ADAMTS12: variants seen among roughly 807,000 people sequenced by gnomAD.
ADAMTS12 encodes A disintegrin and metalloproteinase with thrombospondin motifs 12.
ADAMTS12 carries 118 observed loss-of-function variants against 167.8 expected under a neutral mutation model. That is an observed-to-expected ratio of 0.70 (90% CI 0.61 to 0.82). The LOEUF (loss-of-function observed/expected upper bound fraction) is 0.82. ADAMTS12 is among the 40% of genes least tolerant of loss of function. The pLI, the probability that ADAMTS12 is intolerant of heterozygous loss-of-function variation, is 0.00. For missense variants in ADAMTS12, 1,916 were observed against 1,998.8 expected (o/e 0.96, Z 0.79); for synonymous variants, 704 against 716.9 (o/e 0.98, Z 0.29).
At chr5:33,538,009 G>A (rs1446675087) in intron 22 of ADAMTS12, among the ~76,000 whole-genome samples, 1 of 152,142 alleles carries the variant, frequency 6.6e-6, no homozygotes, top group East Asian at 1.9e-4. Context: ...CGTGGCCCTA[G>A]GATCTGTCCC....
intron 2 of ADAMTS12, among the ~76,000 whole-genome samples, chr5:33,799,142 G>A (rs1169676461): frequency 6.6e-6 from 1 of 152,168 alleles, no homozygotes; most frequent in Non-Finnish European, 1.5e-5. Context: ...AGATGAGAAC[G>A]ACCAGTGTGG....
intron 2 of ADAMTS12, among the ~76,000 whole-genome samples, chr5:33,760,173 C>T (rs1262801557): frequency 6.6e-6 from 1 of 152,044 alleles, no homozygotes; most frequent in Non-Finnish European, 1.5e-5. Flanking sequence ...TCACCTCCCA[C>T]CCCCAACCCC....
rs2111965142 is a variant in ADAMTS12 at position 33,576,707 on chromosome 5, A to C, written c.3319T>G (p.Ser1107Ala). ...LSIQPSEENVSSSDTGPTSEG... is the reference protein window; with the variant it reads ...LSIQPSEENVASSDTGPTSEG... ...GAGGTAGGACCAGTATCTGAACTGG[A>C]AACATTTTCCTCACTTGGCTGAATG... is the stretch of plus-strand genomic sequence containing the variant. Residue 1107 changes from serine (S) to alanine (A), a missense_variant, in exon 19 of 24, where the codon TCC (serine) becomes GCC (alanine). Coordinates refer to ENST00000504830, the MANE Select transcript of ADAMTS12 (RefSeq NM_030955.4). The C allele has an allele frequency of 6.2e-7, 1 of 1,614,226 alleles. No individual in the cohort carries two copies. Among genetic ancestry groups the C allele is most frequent in the East Asian group, 2.2e-5 (1 of 44,882 alleles).
At chr5:33,845,197 G>T (rs1204873969) in intron 2 of ADAMTS12, among the ~76,000 whole-genome samples, 3 of 152,172 alleles carry the variant, frequency 2.0e-5, no homozygotes, top group African/African-American at 7.2e-5. Flanking sequence ...AGAGGGTCTG[G>T]AACAGCAGCA....
At chr5:33,877,954 A>G (rs1240459909) in intron 2 of ADAMTS12, among the ~76,000 whole-genome samples, 3 of 152,154 alleles carry the variant, frequency 2.0e-5, no homozygotes, top group African/African-American at 7.2e-5. Context: ...CCTGGTCCAC[A>G]TGAATGTGTT....
chr5:33,618,917 G>A lies in ADAMTS12; in HGVS notation c.2144-2845C>T, dbSNP rs75236871. 6.8e-3 allele frequency among the ~76,000 whole-genome samples: 1,040 copies of A among 152,244 alleles called. 7 individuals are homozygous for A. The highest frequency in any genetic ancestry group is 0.024 in the African/African-American group (1,006 of 41,542). ...TGTAATCCTTCCAGACTTTCATGAC[G>A]TTTCTGTCAGCGTTCTCTTCCATAA... is the stretch of plus-strand genomic sequence containing the variant. On this transcript the variant is annotated intron_variant, in intron 14 of 23. Coordinates refer to ENST00000504830, the MANE Select transcript of ADAMTS12 (RefSeq NM_030955.4).
At chr5:33,838,147 G>C (rs527447996) in intron 2 of ADAMTS12, among the ~76,000 whole-genome samples, 1 of 152,272 alleles carries the variant, frequency 6.6e-6, no homozygotes, top group Non-Finnish European at 1.5e-5. Flanking sequence ...ATAGCTTCCA[G>C]GTTGAGCAAT....
At chr5:33,601,140 T>TGA (rs1738168585) in intron 16 of ADAMTS12, among the ~76,000 whole-genome samples, 1 of 148,830 alleles carries the variant, frequency 6.7e-6, no homozygotes, top group Admixed American at 6.7e-5. Flanking sequence ...TGTGTGTGTG[T>TGA]GATCAACAAT....
intron 2 of ADAMTS12, among the ~76,000 whole-genome samples, chr5:33,773,604 A>C (rs1257008026): frequency 6.6e-6 from 1 of 152,136 alleles, no homozygotes; most frequent in Non-Finnish European, 1.5e-5. Flanking sequence ...GACTCCCAGA[A>C]GTAGCATGAA....
intron 3 of ADAMTS12, among the ~76,000 whole-genome samples, chr5:33,698,447 G>C (rs534180258): frequency 3.8e-4 from 58 of 152,216 alleles, no homozygotes; most frequent in African/African-American, 1.3e-3. Context: ...TATAAAAATT[G>C]AAGAATGCCA....
At chr5:33,571,520 C>G (rs898497321) in intron 19 of ADAMTS12, among the ~76,000 whole-genome samples, 2 of 152,080 alleles carry the variant, frequency 1.3e-5, no homozygotes, top group African/African-American at 4.8e-5. Context: ...GAAATGAAGG[C>G]AGAAATAAAG....
chr5:33,800,132 T>A (rs1746943710), intron 2 of ADAMTS12, among the ~76,000 whole-genome samples: 1 of 152,190 alleles, frequency 6.6e-6, no homozygotes, highest in South Asian at 2.1e-4. Flanking sequence ...TAACTTTCAC[T>A]CATTCAGTAG....
intron 16 of ADAMTS12, among the ~76,000 whole-genome samples, chr5:33,607,880 A>T (rs750131902): frequency 1.9e-4 from 29 of 152,238 alleles, no homozygotes; most frequent in Admixed American, 3.3e-4. Context: ...GGAATAGATA[A>T]GAAGATTTTT....
At chr5:33,530,516 A>T (rs1399131504) in intron 23 of ADAMTS12, among the ~76,000 whole-genome samples, 1 of 152,176 alleles carries the variant, frequency 6.6e-6, no homozygotes, top group Non-Finnish European at 1.5e-5. Flanking sequence ...CTGTGGATGG[A>T]GGCTGGAGAG....
chr5:33,860,855 C>A (rs1358077777), intron 2 of ADAMTS12, among the ~76,000 whole-genome samples: 1 of 152,112 alleles, frequency 6.6e-6, no homozygotes, highest in Non-Finnish European at 1.5e-5. Flanking sequence ...ACCCTATAAG[C>A]CAGAAGAGTG....
rs149707918 is a variant in ADAMTS12 at position 33,583,647 on chromosome 5, A to G, written c.2865+4952T>C. 6.0e-4 allele frequency among the ~76,000 whole-genome samples: 91 copies of G among 152,334 alleles called. No homozygotes were observed. The East Asian group carries it at 0.016, about 26-fold the overall frequency. On this transcript the variant is annotated intron_variant, in intron 18 of 23. Transcript: ENST00000504830. ...GTTCCCTTTTCTCCACATCCTCACC[A>G]GCATTTGCTTTTGCCGTCTTTTGGA... is the stretch of plus-strand genomic sequence containing the variant.
chr5:33,767,702 C>T (rs1670595366), intron 2 of ADAMTS12, among the ~76,000 whole-genome samples: 1 of 152,104 alleles, frequency 6.6e-6, no homozygotes, highest in African/African-American at 2.4e-5. Context: ...AGAGTTTGTG[C>T]AATTACATTG....
intron 2 of ADAMTS12, among the ~76,000 whole-genome samples, chr5:33,818,967 T>A (rs936506827): frequency 6.6e-6 from 1 of 152,118 alleles, no homozygotes; most frequent in Admixed American, 6.5e-5. Context: ...TAAGAATTTT[T>A]AAATAAATTT....
chr5:33,795,541 C>G (rs1184849156), intron 2 of ADAMTS12, among the ~76,000 whole-genome samples: 1 of 152,164 alleles, frequency 6.6e-6, no homozygotes, highest in South Asian at 2.1e-4. Context: ...TCATTTCATA[C>G]GAACAACCTT....
Sources: gnomAD v4.1 joint callset for allele counts (sites outside exome capture counted in the v4.1 genomes callset) on GRCh38, gnomAD v4.1.1 for gene constraint, MANE v1.5 for transcripts, NCBI Gene and HGNC (gene_info 2026-07-23, HGNC 2026-07-21) for gene names.